The following PIP5K1B variants were observed in gnomAD, a reference collection of about 807,000 sequenced individuals.
PIP5K1B encodes the protein phosphatidylinositol-4-phosphate 5-kinase type 1 beta.
A neutral mutation model predicts 67.0 loss-of-function variants in PIP5K1B; 42 were observed. The observed-to-expected ratio is 0.63, with a 90% CI of 0.49 to 0.81. PIP5K1B has a LOEUF of 0.81. Ranked by LOEUF, PIP5K1B falls within the 30% of genes least tolerant of loss-of-function variation. The pLI is 0.00. For missense variants in PIP5K1B, 459 were observed against 646.3 expected, an observed-to-expected ratio of 0.71 and a Z score of 3.14; for synonymous variants, 214 against 231.4, an observed-to-expected ratio of 0.92 and a Z score of 0.68.
intron 6 of PIP5K1B, among the ~76,000 whole-genome samples, chr9:68,882,740 A>G (rs769552450): frequency 1.3e-5 from 2 of 152,264 alleles, no homozygotes; most frequent in Non-Finnish European, 2.9e-5. Flanking sequence ...CATGGAACAA[A>G]GAATCCAAAT....
intron 2 of PIP5K1B, among the ~76,000 whole-genome samples, chr9:68,756,672 ATATCT>A (rs574195821): frequency 6.6e-6 from 1 of 151,994 alleles, no homozygotes; most frequent in African/African-American, 2.4e-5. Context: ...CACCAAACAA[ATATCT>A]TATATTTTTG....
At chr9:68,820,296 G>GA (rs1227395475) in intron 3 of PIP5K1B, among the ~76,000 whole-genome samples, 1 of 152,090 alleles carries the variant, frequency 6.6e-6, no homozygotes. Context: ...AAAGAGACTA[G>GA]AAAAATGAAT....
chr9:68,789,379 G>A (rs1233954464), intron 2 of PIP5K1B: 1 of 399,262 alleles, frequency 2.5e-6, no homozygotes, highest in Non-Finnish European at 4.8e-6. Flanking sequence ...CACTAATTCT[G>A]AACAGACTCC....
chr9:68,926,489 T>C (rs1489337407), intron 12 of PIP5K1B, among the ~76,000 whole-genome samples: 1 of 152,182 alleles, frequency 6.6e-6, no homozygotes, highest in African/African-American at 2.4e-5. Flanking sequence ...TGTGTATGCT[T>C]CACCCTTTTA....
At chr9:68,894,664 T>G in intron 8 of PIP5K1B, 26 bp downstream of exon 8, 1 of 1,601,318 alleles carries the variant, frequency 6.2e-7, no homozygotes, top group South Asian at 1.1e-5. Context: ...TGTTGTGATT[T>G]CCTTTGAACT....
intron 6 of PIP5K1B, among the ~76,000 whole-genome samples, chr9:68,877,354 G>T (rs1163281365): frequency 6.6e-6 from 1 of 152,218 alleles, no homozygotes; most frequent in Non-Finnish European, 1.5e-5. Context: ...AAGAGGTACA[G>T]ACACAACAGC....
rs545195734 is a variant in PIP5K1B at position 68,934,562 on chromosome 9, G to A, written c.1202-328G>A. Among the ~76,000 whole-genome samples the A allele has an allele frequency of 3.3e-4, 50 of 152,170 alleles. 1 individual carries two copies. In the South Asian group the frequency reaches 7.3e-3, roughly 22 times the overall value. ...CACTAGAAAAACATTGTTTGGAGAG[G>A]GGGGAATGATTCTTTAGCAATAAAA... On this transcript the variant is annotated intron_variant, in intron 12 of 15. Transcript: ENST00000265382.
intron 14 of PIP5K1B, among the ~76,000 whole-genome samples, chr9:68,987,859 C>A (rs1467618809): frequency 2.0e-5 from 3 of 152,148 alleles, no homozygotes; most frequent in Admixed American, 2.0e-4. Context: ...GGGGAAACCA[C>A]CTCCATGATT....
chr9:68,904,094 T>C (rs1025952129), intron 8 of PIP5K1B, among the ~76,000 whole-genome samples: 3 of 152,182 alleles, frequency 2.0e-5, no homozygotes, highest in Admixed American at 2.0e-4. Flanking sequence ...AAGTGAATCC[T>C]CAGGAGAGGT....
intron 1 of PIP5K1B, among the ~76,000 whole-genome samples, chr9:68,726,381 T>C (rs1219392041): frequency 6.6e-6 from 1 of 152,108 alleles, no homozygotes; most frequent in Non-Finnish European, 1.5e-5. Flanking sequence ...ACTCATAGAG[T>C]ATAACACCAT....
At chr9:68,963,037 G>T in intron 14 of PIP5K1B, 1 of 352,018 alleles carries the variant, frequency 2.8e-6, no homozygotes, top group Non-Finnish European at 5.7e-6. Flanking sequence ...TTATCTCATT[G>T]CATCGATGAA....
chr9:68,862,265 A>G (rs1211871682), intron 4 of PIP5K1B, among the ~76,000 whole-genome samples: 1 of 152,152 alleles, frequency 6.6e-6, no homozygotes, highest in Non-Finnish European at 1.5e-5. Context: ...AGGTTGTAAG[A>G]TATTAATCTG....
intron 4 of PIP5K1B, among the ~76,000 whole-genome samples, chr9:68,837,610 T>TTG (rs1190775898): frequency 7.8e-6 from 1 of 128,728 alleles, no homozygotes; most frequent in African/African-American, 2.8e-5. Context: ...ACTTTGTGTT[T>TTG]TTTTTTTTTT....
At chr9:68,813,675 A>AGTT (rs1833283577) in intron 2 of PIP5K1B, among the ~76,000 whole-genome samples, 9 of 152,206 alleles carry the variant, frequency 5.9e-5, no homozygotes, top group African/African-American at 1.9e-4. Flanking sequence ...ACCTAGTATA[A>AGTT]CTGGTGTTCT....
rs111467921 is a variant in PIP5K1B, at chr9:68,830,442, A to C, written c.69+7759A>C. Among the ~76,000 whole-genome samples the C allele has an allele frequency of 2.6e-5, 4 of 152,188 alleles. 1 individual carries two copies. Among genetic ancestry groups the C allele is most frequent in the African/African-American group, 9.6e-5 (4 of 41,488 alleles). On this transcript the variant is annotated intron_variant, in intron 4 of 15. Transcript: ENST00000265382. ...CAGATTAAAACAGCTGAGCGAGCCA[A>C]CCCTCTCATTATTAGCCTGTTGCCC...
chr9:68,917,711 A>G lies in PIP5K1B; in HGVS notation c.935A>G (p.Gln312Arg). 1 of 1,614,184 alleles carries G rather than the reference A, an allele frequency of 6.2e-7. No homozygotes were observed. The highest frequency in any genetic ancestry group is 8.5e-7 in the Non-Finnish European group (1 of 1,180,004). ...VLYSTAMESIQGPGKSGDGII... is the reference protein window; with the variant it reads ...VLYSTAMESIRGPGKSGDGII... ...TACTCAACAGCCATGGAATCTATCC[A>G]GGGTCCAGGGAAATCTGGAGATGGG... is the stretch of plus-strand genomic sequence containing the variant. The change falls in exon 9 of 16, where the codon CAG becomes CGG. Residue 312 changes from glutamine to arginine, a missense_variant. Physicochemically the swap from Gln to Arg is conservative, Grantham distance 43 (BLOSUM62 1). Coordinates refer to ENST00000265382, the MANE Select transcript of PIP5K1B (RefSeq NM_003558.4).
chr9:68,985,423 TGTATTTTTA>T (rs910269495), intron 14 of PIP5K1B, among the ~76,000 whole-genome samples: 128 of 152,310 alleles, frequency 8.4e-4, no homozygotes, highest in Admixed American at 2.8e-3. Flanking sequence ...GGCTAATTTT[TGTATTTTTA>T]GTAGAGACAG....
intron 14 of PIP5K1B, among the ~76,000 whole-genome samples, chr9:68,973,887 G>A (rs912563099): frequency 6.6e-6 from 1 of 151,964 alleles, no homozygotes; most frequent in African/African-American, 2.4e-5. Context: ...AATTTTTTTC[G>A]GGGTAGGGGA....
intron 2 of PIP5K1B, among the ~76,000 whole-genome samples, chr9:68,760,831 C>A (rs1318361741): frequency 1.3e-5 from 2 of 152,088 alleles, no homozygotes; most frequent in Non-Finnish European, 2.9e-5. Context: ...CCAAGCCTTG[C>A]TGGCAGGGGA....
Sources: allele counts gnomAD v4.1 joint callset (sites outside exome capture counted in the v4.1 genomes callset), GRCh38; gene constraint gnomAD v4.1.1; transcripts MANE v1.5; gene names NCBI Gene and HGNC (gene_info 2026-07-23, HGNC 2026-07-21).